Variants in ACAN observed in about 807,000 individuals in gnomAD.
ACAN encodes the protein aggrecan core protein.
Under a neutral mutation model 169.1 loss-of-function variants are expected in ACAN, and 47 were observed. The ratio of observed to expected loss-of-function variants is 0.28; its 90% CI spans 0.22 to 0.35. The LOEUF (loss-of-function observed/expected upper bound fraction) is 0.35. Among genes scored for constraint, ACAN ranks in the 10% least tolerant of loss-of-function variants. The pLI, the probability that ACAN is intolerant of heterozygous loss-of-function variation, is 1.00. For synonymous variants in ACAN, 1,115 were observed against 1,112.2 expected (o/e 1.00, Z -0.05); for missense variants, 2,716 against 2,759.9 (o/e 0.98, Z 0.36).
rs887833983 is a variant in ACAN, at chr15:88,851,728, AG to A, written c.2027-63del. The A allele has an allele frequency of 1.3e-5, 19 of 1,486,030 alleles. No homozygotes were observed. The highest frequency in any genetic ancestry group is 9.0e-7 in the Non-Finnish European group (1 of 1,113,350). 92.1% of individuals were successfully genotyped at this position (1,486,030 alleles called of 1,614,324 possible). A position where few individuals can be genotyped will look rare whatever the true frequency, so the allele number is the denominator to read the frequency against. On this transcript the variant is annotated intron_variant, in intron 10 of 18. Transcript: ENST00000560601. This position sits in a 1 kb window ranked among gnomAD's most constrained non-coding sequence, Gnocchi z 4.3. ...CAGAGTCCCCTAGCTCCCCTCAAGA[AG>A]GGCCAGCCAAGGACGGGTCACTGGT...
chr15:88,849,448 C>A lies in ACAN; in HGVS notation c.1743C>A (p.Phe581Leu). ...TGCCTCTGCCCCCAGGGGAGGTGTT[C>A]TTCGCCACACGCCTTGAGCAGTTCA... ...CFVDRLEGEV[F>L]FATRLEQFTF... Residue 581 changes from phenylalanine to leucine, a missense_variant, in exon 10 of 19, where the codon TTC (phenylalanine) becomes TTA (leucine). Phe to Leu is a conservative substitution (Grantham distance 22, BLOSUM62 0). Transcript: ENST00000560601. This position sits in a 1 kb window ranked among gnomAD's most constrained non-coding sequence, Gnocchi z 5.1. The A allele has an allele frequency of 1.3e-6, 2 of 1,589,138 alleles. No individual in the cohort carries two copies. The highest frequency in any genetic ancestry group is 1.8e-4 in the Middle Eastern group (1 of 5,602).
chr15:88,846,065 C>T (rs1381247341), intron 7 of ACAN, among the ~76,000 whole-genome samples, 183 bp downstream of exon 7: 1 of 152,188 alleles, frequency 6.6e-6, no homozygotes, highest in African/African-American at 2.4e-5. Context: ...CTAGTCAGGT[C>T]CACACTCTTG....
rs1335298839 is a variant in ACAN, at chr15:88,854,834, C to T, written c.2267-18C>T. On this transcript the variant is annotated intron_variant, in intron 11 of 18. Coordinates refer to ENST00000560601, the MANE Select transcript of ACAN (RefSeq NM_001369268.1). ...GTTAATAAACCCACACTTCATCTTT[C>T]TTCCTTCTTTCCTACAGGGATCCTT... is the stretch of plus-strand genomic sequence containing the variant. 2.1e-6 allele frequency: 3 copies of T among 1,447,520 alleles called. No individual in the cohort carries two copies. In the South Asian group the frequency reaches 5.1e-5, roughly 24 times the overall value. 89.7% of individuals were successfully genotyped at this position (1,447,520 alleles called of 1,614,324 possible). A position where few individuals can be genotyped will look rare whatever the true frequency, so the allele number is the denominator to read the frequency against.
chr15:88,851,829 G>T lies in ACAN; in HGVS notation c.2062G>T (p.Gly688Cys). 6.2e-7 allele frequency: 1 copy of T among 1,608,184 alleles called. No homozygotes were observed. Among genetic ancestry groups the T allele is most frequent in the Non-Finnish European group, 8.5e-7 (1 of 1,177,350 alleles). ...SAVPSPGEEEGGTPTSPSGVE... is the reference protein window; with the variant it reads ...SAVPSPGEEECGTPTSPSGVE... ...GGTTCCTTCTCCAGGAGAAGAAGAGGGTGGCACACCCACATCACCCTCTGG... is the reference window on the plus strand; with the variant it reads ...GGTTCCTTCTCCAGGAGAAGAAGAGTGTGGCACACCCACATCACCCTCTGG... Residue 688 changes from glycine to cysteine, a missense_variant, in exon 11 of 19, where the codon GGT becomes TGT. Physicochemically the swap from Gly to Cys is radical, Grantham distance 159. Transcript: ENST00000560601. The surrounding 1 kb of genome is among the most constrained non-coding windows in gnomAD (Gnocchi z 4.3).
rs1027022622 is a variant in ACAN at position 88,814,032 on chromosome 15, C to T, written c.-8+10223C>T. Among the ~76,000 whole-genome samples the T allele has an allele frequency of 1.5e-4, 23 of 152,310 alleles. No homozygotes were observed. Among genetic ancestry groups the T allele is most frequent in the African/African-American group, 5.1e-4 (21 of 41,564 alleles). On this transcript the variant is annotated intron_variant, in intron 1 of 18. Transcript: ENST00000560601. This position sits in a 1 kb window ranked among gnomAD's most constrained non-coding sequence, Gnocchi z 4.0. ...CCTGATGACATCTAGTGCTTAGACTCACAAAAGAATCCATTCAGCCATTGT... is the reference window on the plus strand; with the variant it reads ...CCTGATGACATCTAGTGCTTAGACTTACAAAAGAATCCATTCAGCCATTGT...
intron 7 of ACAN, 130 bp downstream of exon 7, chr15:88,846,012 G>C: frequency 1.9e-6 from 2 of 1,038,784 alleles, no homozygotes; most frequent in African/African-American, 3.2e-5. Context: ...TCTCCTCTCA[G>C]ACCTTATTCT....
intron 1 of ACAN, among the ~76,000 whole-genome samples, chr15:88,810,018 C>CCTTTG (rs1895779202): frequency 6.6e-6 from 1 of 152,198 alleles, no homozygotes; most frequent in Non-Finnish European, 1.5e-5. Context: ...TTCTATTTTA[C>CCTTTG]AGAGTCATGA....
Position 88,855,053 on chromosome 15 carries a change from C to A in ACAN, c.2468C>A (p.Pro823Gln). 1.3e-6 allele frequency: 2 copies of A among 1,589,184 alleles called. No individual in the cohort carries two copies. Among genetic ancestry groups the A allele is most frequent in the African/African-American group, 1.4e-5 (1 of 74,048 alleles). Residue 823 changes from proline (P) to glutamine (Q), a missense_variant, in exon 12 of 19, where the codon CCA becomes CAA. Transcript: ENST00000560601. ...PSVELFPSEE[P>Q]FPSKEPSPSE... Reference sequence around the variant, plus strand: ...GTGGAGCTGTTCCCCTCAGAGGAGCCATTCCCCTCCAAGGAGCCATCCCCC... The same window carrying A: ...GTGGAGCTGTTCCCCTCAGAGGAGCAATTCCCCTCCAAGGAGCCATCCCCC...
At chr15:88,830,856 G>T (rs887555648) in intron 1 of ACAN, among the ~76,000 whole-genome samples, 3 of 152,120 alleles carry the variant, frequency 2.0e-5, no homozygotes, top group Non-Finnish European at 4.4e-5. Flanking sequence ...TAAAGTAATT[G>T]CACTATGACG....
chr15:88,847,844 C>A, intron 8 of ACAN, 67 bp from the exon 9 acceptor site: 1 of 1,575,764 alleles, frequency 6.3e-7, no homozygotes, highest in Non-Finnish European at 8.6e-7. Flanking sequence ...CTGGCCTCAG[C>A]CCAGGGCCGT....
At chr15:88,830,537 G>C (rs1276525924) in intron 1 of ACAN, among the ~76,000 whole-genome samples, 1 of 151,674 alleles carries the variant, frequency 6.6e-6, no homozygotes, top group Admixed American at 6.5e-5. Context: ...TATTTTTACT[G>C]TACCTTTTGT....
chr15:88,849,478 C>G lies in ACAN; in HGVS notation c.1773C>G (p.Phe591Leu). 1.2e-6 allele frequency: 2 copies of G among 1,605,792 alleles called. No homozygotes were observed. Among genetic ancestry groups the G allele is most frequent in the Non-Finnish European group, 1.7e-6 (2 of 1,174,818 alleles). Residue 591 changes from phenylalanine (F) to leucine (L), a missense_variant, in exon 10 of 19, where the codon TTC becomes TTG. Coordinates refer to ENST00000560601, the MANE Select transcript of ACAN (RefSeq NM_001369268.1). This position sits in a 1 kb window ranked among gnomAD's most constrained non-coding sequence, Gnocchi z 5.1. ...CCACACGCCTTGAGCAGTTCACCTT[C>G]CAGGAAGCACTGGAGTTCTGTGAAT... Reference protein sequence around the residue: ...FFATRLEQFTFQEALEFCESH... With the variant: ...FFATRLEQFTLQEALEFCESH...
chr15:88,811,853 C>T (rs900659009), intron 1 of ACAN, among the ~76,000 whole-genome samples: 1 of 152,180 alleles, frequency 6.6e-6, no homozygotes, highest in Non-Finnish European at 1.5e-5. Flanking sequence ...TTCACTGCCC[C>T]ATCCATGGGC....
intron 1 of ACAN, among the ~76,000 whole-genome samples, chr15:88,817,627 G>A (rs1028138618): frequency 6.6e-6 from 1 of 151,876 alleles, no homozygotes; most frequent in Admixed American, 6.5e-5. Flanking sequence ...GCCAAAGCAG[G>A]CAGATCACTT....
intron 1 of ACAN, among the ~76,000 whole-genome samples, chr15:88,823,543 A>G (rs546957423): frequency 1.3e-5 from 2 of 152,118 alleles, no homozygotes; most frequent in South Asian, 4.2e-4. Flanking sequence ...TTTGCAATTG[A>G]GAGTGGGGAG....
chr15:88,866,000 AG>A (rs1236679627), intron 13 of ACAN, among the ~76,000 whole-genome samples: 2 of 151,838 alleles, frequency 1.3e-5, no homozygotes, highest in Non-Finnish European at 2.9e-5. Flanking sequence ...CTGTAAATCC[AG>A]GGCCGTGAAA....
rs1897268668 is a variant in ACAN at position 88,865,684 on chromosome 15, C to T, written c.6947-2532C>T. Among the ~76,000 whole-genome samples, 3 of 152,262 alleles carry T rather than the reference C, an allele frequency of 2.0e-5. No individual in the cohort carries two copies. In the South Asian group the frequency reaches 6.2e-4, roughly 32 times the overall value. ...TCCCTCCACTTGCAAGCTCCTTATC[C>T]AGGATCCATCACTCTGCATTCACAG... On this transcript the variant is annotated intron_variant, in intron 13 of 18. Coordinates refer to ENST00000560601, the MANE Select transcript of ACAN (RefSeq NM_001369268.1).
chr15:88,843,281 G>A lies in ACAN; in HGVS notation c.758-74G>A. 1 of 1,355,298 alleles carries A rather than the reference G, an allele frequency of 7.4e-7. No homozygotes were observed. Among genetic ancestry groups the A allele is most frequent in the Non-Finnish European group, 9.7e-7 (1 of 1,029,428 alleles). 84.0% of individuals were successfully genotyped at this position (1,355,298 alleles called of 1,614,324 possible). A position where few individuals can be genotyped will look rare whatever the true frequency, so the allele number is the denominator to read the frequency against. On this transcript the variant is annotated intron_variant, in intron 5 of 18. Coordinates refer to ENST00000560601, the MANE Select transcript of ACAN (RefSeq NM_001369268.1). The surrounding 1 kb of genome is among the most constrained non-coding windows in gnomAD (Gnocchi z 4.0). ...GACTCCCAAGACCTCGTGGAAAAGT[G>A]TGGATCTCTCTGGGGATGCAGAGCA... is the stretch of plus-strand genomic sequence containing the variant.
At chr15:88,825,147 A>G (rs574972004) in intron 1 of ACAN, among the ~76,000 whole-genome samples, 1 of 152,308 alleles carries the variant, frequency 6.6e-6, no homozygotes, top group South Asian at 2.1e-4. Flanking sequence ...GAGCAGGAGC[A>G]GGAGCGGATC....
Sources: allele counts gnomAD v4.1 joint callset (sites outside exome capture counted in the v4.1 genomes callset), GRCh38; gene constraint gnomAD v4.1.1; non-coding constraint Gnocchi (gnomAD v3.1); transcripts MANE v1.5; gene names NCBI Gene and HGNC (gene_info 2026-07-23, HGNC 2026-07-21).